The following FHOD3 variants were observed in gnomAD, a reference collection of about 807,000 sequenced individuals.
The protein encoded by FHOD3 is formin homology 2 domain containing 3.
FHOD3 carries 90 observed loss-of-function variants against 173.0 expected under a neutral mutation model. That is an observed-to-expected ratio of 0.52 (90% CI 0.44 to 0.62). The LOEUF (loss-of-function observed/expected upper bound fraction) is 0.62. FHOD3 is among the 20% of genes least tolerant of loss of function. The probability of loss-of-function intolerance (pLI) is 0.00; values close to 1 mark genes in which losing one functional copy is unlikely to be tolerated. For missense variants in FHOD3, 1,945 were observed against 2,034.7 expected, an observed-to-expected ratio of 0.96 and a Z score of 0.85; for synonymous variants, 828 against 823.0, an observed-to-expected ratio of 1.01 and a Z score of -0.10.
intron 4 of FHOD3, among the ~76,000 whole-genome samples, chr18:36,505,272 C>T (rs1422797007): frequency 6.6e-6 from 1 of 152,214 alleles, no homozygotes; most frequent in Non-Finnish European, 1.5e-5. Flanking sequence ...ACCTATAGCA[C>T]AGAATGAAGC....
intron 1 of FHOD3, among the ~76,000 whole-genome samples, chr18:36,325,480 A>T (rs2044623366): frequency 6.6e-6 from 1 of 152,188 alleles, no homozygotes. Context: ...GTTTATCCTT[A>T]TCCCTGAGTG....
chr18:36,746,959 A>G lies in FHOD3; in HGVS notation c.4056A>G (p.Gln1352=). The G allele has an allele frequency of 6.2e-7, 1 of 1,608,292 alleles. No individual in the cohort carries two copies. The highest frequency in any genetic ancestry group is 8.5e-7 in the Non-Finnish European group (1 of 1,177,694). ...ITRSAKVDFD[Q]LQDNLCQMER... is the part of the protein sequence containing the mutation. ...CTGATTTTCAGGTTGACTTTGATCAACTTCAGGATAATTTATGTCAGATGG... is the reference window on the plus strand; with the variant it reads ...CTGATTTTCAGGTTGACTTTGATCAGCTTCAGGATAATTTATGTCAGATGG... Residue 1352 remains glutamine (Q), a synonymous_variant, in exon 24 of 29, where the codon CAA becomes CAG. Transcript: ENST00000590592.
At chr18:36,574,437 A>G (rs1490932028) in intron 5 of FHOD3, among the ~76,000 whole-genome samples, 1 of 152,106 alleles carries the variant, frequency 6.6e-6, no homozygotes, top group African/African-American at 2.4e-5. Context: ...TTGGCATTTA[A>G]TATTGTCTTA....
chr18:36,439,860 C>T (rs1018698025), intron 3 of FHOD3, among the ~76,000 whole-genome samples: 10 of 152,080 alleles, frequency 6.6e-5, no homozygotes, highest in African/African-American at 2.2e-4. Flanking sequence ...TTGCCCTCTT[C>T]GATTCTTTTG....
At chr18:36,501,042 T>G (rs2055006016) in intron 3 of FHOD3, among the ~76,000 whole-genome samples, 2 of 152,200 alleles carry the variant, frequency 1.3e-5, no homozygotes, top group African/African-American at 4.8e-5. Context: ...GGCATACTCA[T>G]CTGTCTCTCT....
At chr18:36,617,134 C>G (rs1436990491) in intron 9 of FHOD3, among the ~76,000 whole-genome samples, 1 of 152,172 alleles carries the variant, frequency 6.6e-6, no homozygotes, top group Admixed American at 6.5e-5. Context: ...TAAGGGTATT[C>G]CAGAAATAAG....
chr18:36,481,249 T>G (rs1340835090), intron 3 of FHOD3, among the ~76,000 whole-genome samples: 1 of 152,040 alleles, frequency 6.6e-6, no homozygotes, highest in Admixed American at 6.6e-5. Context: ...GCCTCAGGAA[T>G]TTCTGCAGGC....
intron 18 of FHOD3, chr18:36,710,568 AG>A (rs2040117194): frequency 6.6e-6 from 1 of 152,208 alleles, no homozygotes; most frequent in South Asian, 2.1e-4. Context: ...TTTCCCAGTT[AG>A]AATATACTAC....
intron 4 of FHOD3, among the ~76,000 whole-genome samples, chr18:36,507,339 G>T (rs1303566384): frequency 6.6e-6 from 1 of 152,204 alleles, no homozygotes; most frequent in Non-Finnish European, 1.5e-5. Context: ...TATATAAATT[G>T]TGTATACGAA....
chr18:36,553,840 A>G (rs149882584), intron 5 of FHOD3, among the ~76,000 whole-genome samples: 1 of 152,224 alleles, frequency 6.6e-6, no homozygotes, highest in Non-Finnish European at 1.5e-5. Flanking sequence ...ATGAACAGAC[A>G]CTTCTCAAAA....
intron 14 of FHOD3, among the ~76,000 whole-genome samples, chr18:36,677,653 T>G (rs911533680): frequency 6.6e-6 from 1 of 152,210 alleles, no homozygotes; most frequent in African/African-American, 2.4e-5. Context: ...TCATTGTGGT[T>G]TCAGAATGGG....
intron 3 of FHOD3, among the ~76,000 whole-genome samples, chr18:36,380,588 C>CTTTCG (rs2047721779): frequency 1.8e-5 from 2 of 112,238 alleles, no homozygotes; most frequent in Admixed American, 1.8e-4. Flanking sequence ...TTTTCCTTTC[C>CTTTCG]TTTCCTTTCC....
At chr18:36,673,911 T>A (rs1313420353) in intron 14 of FHOD3, among the ~76,000 whole-genome samples, 1 of 152,164 alleles carries the variant, frequency 6.6e-6, no homozygotes, top group African/African-American at 2.4e-5. Flanking sequence ...TATATTTTGG[T>A]TCTTTCTGAA....
At chr18:36,434,578 A>AT (rs897317273) in intron 3 of FHOD3, among the ~76,000 whole-genome samples, 5 of 151,874 alleles carry the variant, frequency 3.3e-5, no homozygotes, top group South Asian at 4.2e-4. Flanking sequence ...CAGATTGTTG[A>AT]TTTTTTTTAT....
chr18:36,351,368 C>T (rs576320942), intron 1 of FHOD3, among the ~76,000 whole-genome samples: 86 of 152,202 alleles, frequency 5.7e-4, no homozygotes, highest in African/African-American at 1.9e-3. Flanking sequence ...AGGGGGGACT[C>T]GGGCAGTTCC....
chr18:36,439,055 A>G (rs1342959153), intron 3 of FHOD3, among the ~76,000 whole-genome samples: 2 of 152,254 alleles, frequency 1.3e-5, no homozygotes, highest in Non-Finnish European at 2.9e-5. Flanking sequence ...TGGACGAGAA[A>G]GAATGTGAAA....
intron 17 of FHOD3, among the ~76,000 whole-genome samples, chr18:36,706,034 A>G (rs2039861093): frequency 6.7e-6 from 1 of 149,478 alleles, no homozygotes; most frequent in Admixed American, 6.7e-5. Flanking sequence ...CTGAAAGATA[A>G]TGGGAAAGGG....
At chr18:36,468,872 C>T (rs1222934078) in intron 3 of FHOD3, among the ~76,000 whole-genome samples, 1 of 152,150 alleles carries the variant, frequency 6.6e-6, no homozygotes, top group Admixed American at 6.5e-5. Flanking sequence ...ATGGTAATCC[C>T]ACCGACAGAC....
chr18:36,407,661 G>T (rs1031969843), intron 3 of FHOD3, among the ~76,000 whole-genome samples: 2 of 152,134 alleles, frequency 1.3e-5, no homozygotes, highest in Admixed American at 6.5e-5. Context: ...TATATGTTAG[G>T]CTGCTTCTCT....
Sources: gnomAD v4.1 joint callset for allele counts (sites outside exome capture counted in the v4.1 genomes callset) on GRCh38, gnomAD v4.1.1 for gene constraint, MANE v1.5 for transcripts, NCBI Gene and HGNC (gene_info 2026-07-23, HGNC 2026-07-21) for gene names.